RBPJ: variants seen among roughly 807,000 people sequenced by gnomAD.
RBPJ encodes recombination signal binding protein for immunoglobulin kappa J region.
In RBPJ, 9 loss-of-function variants were observed where a neutral mutation model predicts 67.8. That is an observed-to-expected ratio of 0.13 (90% CI 0.08 to 0.23). The LOEUF is 0.23. RBPJ is among the 10% of genes least tolerant of loss of function. RBPJ has a pLI of 1.00. For missense variants in RBPJ, 305 were observed against 595.6 expected, an observed-to-expected ratio of 0.51 and a Z score of 5.08; for synonymous variants, 198 against 203.3, an observed-to-expected ratio of 0.97 and a Z score of 0.22.
chr4:26,112,344 AG>A, the RBPJ span: 1 of 156,372 alleles, frequency 6.4e-6, no homozygotes, highest in Non-Finnish European at 1.5e-5. Context: ...GAACTGTTCC[AG>A]AAAGAAGCCT....
At chr4:26,177,357 C>G (rs1178525904) in intron 1 of RBPJ, among the ~76,000 whole-genome samples, 1 of 152,164 alleles carries the variant, frequency 6.6e-6, no homozygotes, top group African/African-American at 2.4e-5. Flanking sequence ...GGGCAGATCA[C>G]TTGAGGTCAG....
chr4:26,215,337 G>GAGAA (rs1718670121), intron 1 of RBPJ, among the ~76,000 whole-genome samples: 1 of 79,120 alleles, frequency 1.3e-5, no homozygotes, highest in South Asian at 4.6e-4. Context: ...AAAAGAGAGA[G>GAGAA]AGAAAGAAAG....
chr4:26,134,020 A>G, the RBPJ span, among the ~76,000 whole-genome samples: 1 of 151,916 alleles, frequency 6.6e-6, no homozygotes, highest in African/African-American at 2.4e-5. Context: ...GAATACGTTT[A>G]TAAATCATCA....
intron 5 of RBPJ, among the ~76,000 whole-genome samples, chr4:26,421,146 C>T (rs116314436): frequency 4.6e-5 from 7 of 152,178 alleles, no homozygotes; most frequent in Non-Finnish European, 8.8e-5. Flanking sequence ...TGGGCTTTGG[C>T]AGGCCTTCCT....
At chr4:26,226,467 C>T (rs1443871504) in intron 1 of RBPJ, among the ~76,000 whole-genome samples, 2 of 151,990 alleles carry the variant, frequency 1.3e-5, no homozygotes, top group African/African-American at 2.4e-5. Flanking sequence ...AGAATGAGGA[C>T]CTGTCTCAAG....
At chr4:26,291,496 G>GAATA (rs1721666565) in intron 1 of RBPJ, among the ~76,000 whole-genome samples, 1 of 150,228 alleles carries the variant, frequency 6.7e-6, no homozygotes, top group Admixed American at 6.6e-5. Context: ...GGGAGTTGTA[G>GAATA]AATAAATACT....
chr4:26,244,659 G>A (rs1213312739), intron 1 of RBPJ, among the ~76,000 whole-genome samples: 2 of 151,600 alleles, frequency 1.3e-5, no homozygotes, highest in South Asian at 2.1e-4. Flanking sequence ...ATGGAGTCTC[G>A]CTCTGTGGCC....
chr4:26,153,647 T>C, the RBPJ span, among the ~76,000 whole-genome samples: 1 of 152,210 alleles, frequency 6.6e-6, no homozygotes, highest in African/African-American at 2.4e-5. Flanking sequence ...TTTTATAAGC[T>C]GACATGATTT....
the RBPJ span, among the ~76,000 whole-genome samples, chr4:26,107,645 C>T: frequency 6.6e-6 from 1 of 152,242 alleles, no homozygotes; most frequent in African/African-American, 2.4e-5. Context: ...CAACTGTAAT[C>T]CCAGTACTTT....
chr4:26,237,939 C>T (rs1472704453), intron 1 of RBPJ, among the ~76,000 whole-genome samples: 1 of 152,176 alleles, frequency 6.6e-6, no homozygotes, highest in Non-Finnish European at 1.5e-5. Flanking sequence ...TTTTGCACTC[C>T]TGGCCTCAAG....
At chr4:26,138,899 T>A in the RBPJ span, among the ~76,000 whole-genome samples, 3 of 152,176 alleles carry the variant, frequency 2.0e-5, no homozygotes, top group Non-Finnish European at 4.4e-5. Context: ...AGGGGTTCCA[T>A]GAAGTGCTAG....
At chr4:26,349,304 G>A (rs977301600) in intron 1 of RBPJ, among the ~76,000 whole-genome samples, 1 of 151,958 alleles carries the variant, frequency 6.6e-6, no homozygotes, top group Admixed American at 6.6e-5. Flanking sequence ...ACTTCTGGAC[G>A]CAAGTGATCC....
rs111654269 is a variant in RBPJ, at chr4:26,242,446, CAAAAAAA to C, written c.-167+78841_-167+78847del. Among the ~76,000 whole-genome samples, 202 of 112,122 alleles carry C rather than the reference CAAAAAAA, an allele frequency of 1.8e-3. 1 individual carries two copies. Among genetic ancestry groups the C allele is most frequent in the African/African-American group, 6.3e-3 (192 of 30,470 alleles). The allele number at this position is 112,122 out of a possible 152,430, so 73.6% of individuals were successfully genotyped here. A position where few individuals can be genotyped will look rare whatever the true frequency, so the allele number is the denominator to read the frequency against. ...TGGACAACAGAGCGAGACTCTGTCT[CAAAAAAA>C]AAAAAAAAGAAAAGAAAAGAAAAAA... On this transcript the variant is annotated intron_variant, in intron 1 of 4. Transcript: ENST00000512351.
the RBPJ span, among the ~76,000 whole-genome samples, chr4:26,149,459 G>A: frequency 6.6e-6 from 1 of 152,186 alleles, no homozygotes; most frequent in Non-Finnish European, 1.5e-5. Context: ...AATCCAAGCT[G>A]CTATTGTTCG....
At chr4:26,409,293 A>G (rs1733783794) in intron 3 of RBPJ, among the ~76,000 whole-genome samples, 1 of 152,006 alleles carries the variant, frequency 6.6e-6, no homozygotes, top group Non-Finnish European at 1.5e-5. Context: ...ACGGCCCGGC[A>G]TGGTGGCTCA....
At chr4:26,332,658 A>G (rs1451212916) in intron 1 of RBPJ, among the ~76,000 whole-genome samples, 1 of 152,024 alleles carries the variant, frequency 6.6e-6, no homozygotes, top group Non-Finnish European at 1.5e-5. Context: ...GAAGTTATTT[A>G]TTTACTTCTT....
chr4:26,208,942 G>A (rs556862704), intron 1 of RBPJ, among the ~76,000 whole-genome samples: 1 of 152,168 alleles, frequency 6.6e-6, no homozygotes, highest in African/African-American at 2.4e-5. Flanking sequence ...TTAAATTATA[G>A]TCTTTCAGTT....
intron 1 of RBPJ, among the ~76,000 whole-genome samples, chr4:26,220,871 C>G (rs962383740): frequency 6.6e-6 from 1 of 152,200 alleles, no homozygotes; most frequent in African/African-American, 2.4e-5. Flanking sequence ...TTCACTGCAC[C>G]GCAGTGGTGA....
At chr4:26,125,890 C>A in the RBPJ span, among the ~76,000 whole-genome samples, 1 of 152,022 alleles carries the variant, frequency 6.6e-6, no homozygotes, top group African/African-American at 2.4e-5. Context: ...CCCATAAGAA[C>A]AATGCAGCTG....
Sources: gnomAD v4.1 joint callset for allele counts (sites outside exome capture counted in the v4.1 genomes callset) on GRCh38, gnomAD v4.1.1 for gene constraint, MANE v1.5 for transcripts, NCBI Gene and HGNC (gene_info 2026-07-23, HGNC 2026-07-21) for gene names.